LMF1: variants seen among roughly 807,000 people sequenced by gnomAD.
The protein encoded by LMF1 is transmembrane protein 112.
Under a neutral mutation model 60.6 loss-of-function variants are expected in LMF1, and 68 were observed. That is an observed-to-expected ratio of 1.12 (90% CI 0.92 to 1.37). The LOEUF (loss-of-function observed/expected upper bound fraction) is 1.37, where lower values mean the gene tolerates loss of function less well. LMF1 is among the 40% of genes most tolerant of loss of function. The probability of loss-of-function intolerance (pLI) is 0.00; values close to 1 mark genes in which losing one functional copy is unlikely to be tolerated. For missense variants in LMF1, 948 were observed against 767.2 expected (o/e 1.24, Z -2.78); for synonymous variants, 418 against 324.7 (o/e 1.29, Z -3.09).
rs546646173 is a variant in LMF1 at position 856,786 on chromosome 16, C to A, written c.1530-2080G>T. On this transcript the variant is annotated intron_variant, in intron 10 of 10. Coordinates refer to ENST00000262301, the MANE Select transcript of LMF1 (RefSeq NM_022773.4). ...GTACCCGAGAAGGCCATGGCACCGC[C>A]CCGGAGGGCTTGAGAGTGTTGAAAA... is the stretch of plus-strand genomic sequence containing the variant. Among the ~76,000 whole-genome samples, 5 of 152,380 alleles carry A rather than the reference C, an allele frequency of 3.3e-5. No individual in the cohort carries two copies. The South Asian group carries it at 6.2e-4, about 19-fold the overall frequency.
intron 10 of LMF1, chr16:854,986 G>C: frequency 1.9e-6 from 1 of 535,134 alleles, no homozygotes; most frequent in East Asian, 3.3e-5. Flanking sequence ...TTGGCAGAGG[G>C]ACCGGCCCGG....
intron 2 of LMF1, among the ~76,000 whole-genome samples, chr16:935,571 TAAA>T (rs10674839): frequency 4.2e-5 from 6 of 142,420 alleles, no homozygotes; most frequent in African/African-American, 1.6e-4. Context: ...GCTGATGAGC[TAAA>T]AAAAAAAAAA....
intron 6 of LMF1, among the ~76,000 whole-genome samples, chr16:877,627 A>C (rs1596882798): frequency 6.6e-6 from 1 of 152,348 alleles, no homozygotes; most frequent in South Asian, 2.1e-4. Flanking sequence ...AGGAGAAGTG[A>C]ATAAAAGCAG....
chr16:951,386 G>A (rs1228213180), intron 2 of LMF1, among the ~76,000 whole-genome samples: 1 of 152,210 alleles, frequency 6.6e-6, no homozygotes, highest in Non-Finnish European at 1.5e-5. Context: ...CCAATGTTCT[G>A]GAAAAGCTGA....
intron 2 of LMF1, among the ~76,000 whole-genome samples, chr16:944,647 C>A (rs2072191915): frequency 6.6e-6 from 1 of 152,248 alleles, no homozygotes. Flanking sequence ...ACCTGCCACT[C>A]TGCCATGGAC....
At chr16:959,716 C>G (rs2072783190) in intron 1 of LMF1, among the ~76,000 whole-genome samples, 1 of 152,210 alleles carries the variant, frequency 6.6e-6, no homozygotes, top group Non-Finnish European at 1.5e-5. Flanking sequence ...GCTTTCCCCC[C>G]CGGGCCTGGG....
At chr16:916,353 T>C (rs1315040826) in intron 3 of LMF1, among the ~76,000 whole-genome samples, 2 of 152,188 alleles carry the variant, frequency 1.3e-5, no homozygotes, top group Non-Finnish European at 2.9e-5. Context: ...TGCCTGTCAC[T>C]CAGCTCTGCG....
intron 2 of LMF1, among the ~76,000 whole-genome samples, chr16:942,729 A>G (rs7199601): frequency 0.56 from 59,786 of 107,074 alleles, 16,326 homozygotes; most frequent in African/African-American, 0.78. Context: ...TAGACCACCT[A>G]GTGCTATATG....
intron 6 of LMF1, chr16:871,625 G>C (rs1034978642): frequency 7.1e-6 from 3 of 424,080 alleles, no homozygotes; most frequent in East Asian, 4.4e-5. Flanking sequence ...CGCAAGGCGG[G>C]GGCTGGACCA....
intron 3 of LMF1, among the ~76,000 whole-genome samples, chr16:918,260 CCGGCCGCG>C (rs1288734061): frequency 6.6e-6 from 1 of 152,190 alleles, no homozygotes; most frequent in Non-Finnish European, 1.5e-5. Flanking sequence ...ACCCCTGCGC[CCGGCCGCG>C]CGGCTTGTTC....
At chr16:888,751 G>A (rs974054613) in intron 5 of LMF1, among the ~76,000 whole-genome samples, 9 of 152,112 alleles carry the variant, frequency 5.9e-5, no homozygotes, top group Non-Finnish European at 1.2e-4. Context: ...GGGGTCCTAG[G>A]TACAGGGGGC....
In LMF1 at chr16:970,853, T is replaced by G; in HGVS notation, c.128A>C (p.His43Pro). 6.4e-7 allele frequency: 1 copy of G among 1,557,528 alleles called. No homozygotes were observed. The highest frequency in any genetic ancestry group is 1.2e-5 in the South Asian group (1 of 83,786). ...CAGCCAGAAGGTGCCCGTGTGGAGA[T>G]GGGCCGGAGAGCCTGCGGGGCCACG... ...PGRGPAGSPA[H>P]LHTGTFWLTR... Residue 43 changes from histidine (H) to proline (P), a missense_variant, in exon 1 of 11, where the codon CAT (histidine) becomes CCT (proline). Coordinates refer to ENST00000262301, the MANE Select transcript of LMF1 (RefSeq NM_022773.4).
intron 1 of LMF1, among the ~76,000 whole-genome samples, chr16:966,802 C>T (rs2072934395): frequency 6.6e-6 from 1 of 152,214 alleles, no homozygotes; most frequent in African/African-American, 2.4e-5. Context: ...GTGTGGCCCA[C>T]CAACCCTGAG....
At chr16:876,272 AC>A (rs1339797179) in intron 6 of LMF1, among the ~76,000 whole-genome samples, 1 of 152,260 alleles carries the variant, frequency 6.6e-6, no homozygotes. Flanking sequence ...CAAAGGCTGC[AC>A]AATGCTTCCC....
chr16:870,309 G>C (rs1337486231), intron 8 of LMF1, among the ~76,000 whole-genome samples: 1 of 152,214 alleles, frequency 6.6e-6, no homozygotes, highest in Non-Finnish European at 1.5e-5. Context: ...AGCTGCAGCC[G>C]CCATGTGCCC....
Position 869,298 on chromosome 16 carries a change from C to T in LMF1, c.1417-242G>A, listed in dbSNP as rs1449804524. ...CTCCCCTGGCTGGGTGCCTTGGAGC[C>T]TGTCCACCCCAGCACCCTCTGTCTG... On this transcript the variant is annotated intron_variant, in intron 9 of 10. Transcript: ENST00000262301. 4.4e-6 allele frequency: 3 copies of T among 675,712 alleles called. No homozygotes were observed. In the Admixed American group the frequency reaches 6.1e-5, roughly 14 times the overall value. The allele number at this position is 675,712 out of a possible 1,614,324, so 41.9% of individuals were successfully genotyped here.
intron 6 of LMF1, among the ~76,000 whole-genome samples, chr16:877,466 G>A (rs1175420523): frequency 1.4e-5 from 2 of 141,866 alleles, no homozygotes; most frequent in Admixed American, 9.2e-5. Context: ...TCCCGCAGAG[G>A]AAGAGGCTCA....
At chr16:909,214 C>T (rs1322485016) in intron 4 of LMF1, among the ~76,000 whole-genome samples, 4 of 152,104 alleles carry the variant, frequency 2.6e-5, no homozygotes, top group Admixed American at 6.5e-5. Flanking sequence ...TAAGGGCTGG[C>T]GCAAGGTGAG....
At chr16:864,140 T>C (rs955933530) in intron 10 of LMF1, among the ~76,000 whole-genome samples, 1 of 152,252 alleles carries the variant, frequency 6.6e-6, no homozygotes, top group African/African-American at 2.4e-5. Context: ...TGCACACACT[T>C]AGGATTGCTA....
Sources: allele counts gnomAD v4.1 joint callset (sites outside exome capture counted in the v4.1 genomes callset), GRCh38; gene constraint gnomAD v4.1.1; transcripts MANE v1.5; gene names NCBI Gene and HGNC (gene_info 2026-07-23, HGNC 2026-07-21).